ABCG1: variants seen among roughly 807,000 people sequenced by gnomAD.
The protein encoded by ABCG1 is ATP-binding cassette sub-family G member 1.
A neutral mutation model predicts 69.2 loss-of-function variants in ABCG1; 29 were observed. That is an observed-to-expected ratio of 0.42 (90% CI 0.31 to 0.57). ABCG1 has a LOEUF of 0.57. Among genes scored for constraint, ABCG1 ranks in the 20% least tolerant of loss-of-function variants. The pLI, the probability that ABCG1 is intolerant of heterozygous loss-of-function variation, is 0.15. For missense variants in ABCG1, 718 were observed against 898.1 expected, an observed-to-expected ratio of 0.80 and a Z score of 2.56; for synonymous variants, 370 against 374.8, an observed-to-expected ratio of 0.99 and a Z score of 0.15.
chr21:42,251,278 T>C (rs576656774), intron 2 of ABCG1, among the ~76,000 whole-genome samples: 7 of 152,274 alleles, frequency 4.6e-5, no homozygotes, highest in Non-Finnish European at 8.8e-5. Context: ...CCTGTATTCA[T>C]GGAGGCCCAA....
chr21:42,251,115 A>G (rs796525004), intron 2 of ABCG1, among the ~76,000 whole-genome samples: 5 of 152,150 alleles, frequency 3.3e-5, no homozygotes, highest in African/African-American at 1.2e-4. Flanking sequence ...TCGGTCGGTG[A>G]CCTACCCAGG....
chr21:42,282,402 C>T lies in ABCG1; in HGVS notation c.717C>T (p.Phe239=), dbSNP rs755105229. The stretch of plus-strand genomic sequence containing the variant: ...TGGTGAACAACCCTCCAGTCATGTT[C>T]TTCGATGAGCCCACCAGGTAAGTCA... ...LELVNNPPVM[F]FDEPTSGLDS... is the part of the protein sequence containing the mutation. Residue 239 remains phenylalanine (F), a synonymous_variant, in exon 6 of 15, where the codon TTC becomes TTT. Coordinates refer to ENST00000398449, the MANE Select transcript of ABCG1 (RefSeq NM_016818.3). 2 of 1,612,932 alleles carry T rather than the reference C, an allele frequency of 1.2e-6. No individual in the cohort carries two copies. Among genetic ancestry groups the T allele is most frequent in the South Asian group, 2.2e-5 (2 of 91,018 alleles).
intron 2 of ABCG1, among the ~76,000 whole-genome samples, chr21:42,251,365 T>C (rs2068218136): frequency 6.6e-6 from 1 of 152,274 alleles, no homozygotes; most frequent in Non-Finnish European, 1.5e-5. Context: ...GTACGTGTTG[T>C]TACCTCAGTT....
chr21:42,290,865 C>T (rs1208674405), intron 11 of ABCG1, among the ~76,000 whole-genome samples: 1 of 152,192 alleles, frequency 6.6e-6, no homozygotes, highest in Non-Finnish European at 1.5e-5. Flanking sequence ...GCTTTGTATT[C>T]ACAGACATGC....
intron 2 of ABCG1, among the ~76,000 whole-genome samples, chr21:42,261,507 T>C (rs893574900): frequency 1.3e-5 from 2 of 152,106 alleles, no homozygotes; most frequent in African/African-American, 4.8e-5. Context: ...GGGCACAGAA[T>C]CCACAGGGGC....
chr21:42,267,332 C>T (rs225397), intron 2 of ABCG1, among the ~76,000 whole-genome samples: 8,089 of 152,156 alleles, frequency 0.053, 298 homozygotes, highest in Middle Eastern at 0.085. Flanking sequence ...TAGACCTGGT[C>T]TGGGTGTGGT....
chr21:42,226,103 G>C (rs529627377), intron 2 of ABCG1, among the ~76,000 whole-genome samples, 189 bp downstream of exon 2: 2 of 152,168 alleles, frequency 1.3e-5, no homozygotes, highest in Non-Finnish European at 2.9e-5. Context: ...TGAACAGGTT[G>C]GATTTGGTGA....
intron 2 of ABCG1, among the ~76,000 whole-genome samples, chr21:42,232,066 A>C (rs1271138199): frequency 6.6e-6 from 1 of 152,006 alleles, no homozygotes; most frequent in Non-Finnish European, 1.5e-5. Context: ...GTGGGCTACC[A>C]CTCAGGCCCT....
intron 2 of ABCG1, among the ~76,000 whole-genome samples, chr21:42,234,097 C>T (rs765087114): frequency 2.6e-5 from 4 of 151,972 alleles, no homozygotes; most frequent in Non-Finnish European, 4.4e-5. Context: ...CTTTATTTGG[C>T]GCTTTGCCTC....
Position 42,285,869 on chromosome 21 carries a change from C to CT in ABCG1, c.859-5dup. ...AGGGCTTGATCCCTTTTTCTCCTTC[C>CT]TTTTTTCCAGCTTTACGTCCTGAGT... On this transcript the variant is annotated splice_polypyrimidine_tract_variant and intron_variant, in intron 7 of 14. Transcript: ENST00000398449. 6.2e-7 allele frequency: 1 copy of CT among 1,603,698 alleles called. No individual in the cohort carries two copies. The highest frequency in any genetic ancestry group is 8.5e-7 in the Non-Finnish European group (1 of 1,170,990).
chr21:42,214,489 G>A (rs1479026067), upstream of ABCG1, among the ~76,000 whole-genome samples: 6 of 152,244 alleles, frequency 3.9e-5, no homozygotes, highest in Admixed American at 6.5e-5. Context: ...CAACAGGGCC[G>A]GGGCCAGGCT....
intron 13 of ABCG1, among the ~76,000 whole-genome samples, chr21:42,292,520 A>G (rs1168411416): frequency 6.6e-6 from 1 of 152,012 alleles, no homozygotes; most frequent in Non-Finnish European, 1.5e-5. Flanking sequence ...AGGGGTCACT[A>G]ATCAGACCAG....
chr21:42,211,585 A>G (rs943332664), upstream of ABCG1, among the ~76,000 whole-genome samples: 7 of 152,064 alleles, frequency 4.6e-5, no homozygotes, highest in Admixed American at 1.3e-4. Context: ...CAGCATTAAG[A>G]GATGCGATCC....
rs1464037932 is a variant in ABCG1 at position 42,273,632 on chromosome 21, AC to A, written c.537+203del. 2.6e-5 allele frequency among the ~76,000 whole-genome samples: 4 copies of A among 151,174 alleles called. No individual in the cohort carries two copies. Among genetic ancestry groups the A allele is most frequent in the Non-Finnish European group, 4.4e-5 (3 of 67,812 alleles). ...TTGGGACAGGCAGCATCATCCCAAA[AC>A]CCCCCAAGACTGTGAGTTTAATGGA... On this transcript the variant is annotated intron_variant, in intron 4 of 14. Transcript: ENST00000398449. This position sits in a 1 kb window ranked among gnomAD's most constrained non-coding sequence, Gnocchi z 5.3.
chr21:42,290,021 C>T (rs1447573500), intron 10 of ABCG1, 29 bp from the exon 11 acceptor site: 2 of 1,614,186 alleles, frequency 1.2e-6, no homozygotes, highest in Non-Finnish European at 8.5e-7. Flanking sequence ...TTTGCGAACG[C>T]ACTGGGTAAG....
At position 42,295,995 on chromosome 21, in the gene ABCG1, G is replaced by T. The variant is rs370241131; in HGVS notation, c.1773-169G>T. Among the ~76,000 whole-genome samples the T allele has an allele frequency of 7.2e-5, 11 of 152,296 alleles. 1 individual carries two copies. Among genetic ancestry groups the T allele is most frequent in the East Asian group, 1.9e-4 (1 of 5,172 alleles). Reference sequence around the variant, plus strand: ...CATAGTGGAGCTGTTGCACGTGTTTGTCTTAAGAAGGTGGTGGGCGGTGAG... The same window carrying T: ...CATAGTGGAGCTGTTGCACGTGTTTTTCTTAAGAAGGTGGTGGGCGGTGAG... On this transcript the variant is annotated intron_variant, in intron 14 of 14. Coordinates refer to ENST00000398449, the MANE Select transcript of ABCG1 (RefSeq NM_016818.3).
In ABCG1 at chr21:42,225,822, G is replaced by C; in HGVS notation, c.194G>C (p.Arg65Pro). 1 of 1,613,972 alleles carries C rather than the reference G, an allele frequency of 6.2e-7. No homozygotes were observed. The highest frequency in any genetic ancestry group is 8.5e-7 in the Non-Finnish European group (1 of 1,180,006). The change falls in exon 2 of 15, where the codon CGC becomes CCC. Residue 65 changes from arginine (R) to proline (P), a missense_variant. Coordinates refer to ENST00000398449, the MANE Select transcript of ABCG1 (RefSeq NM_016818.3). ...KVDNNLTEAQRFSSLPRRAAV... is the reference protein window; with the variant it reads ...KVDNNLTEAQPFSSLPRRAAV... The stretch of plus-strand genomic sequence containing the variant: ...GATAATAACCTCACGGAAGCCCAGC[G>C]CTTCTCCTCCTTGCCTCGGAGGGCA...
chr21:42,279,149 C>G (rs2068761418), intron 5 of ABCG1, among the ~76,000 whole-genome samples: 1 of 152,084 alleles, frequency 6.6e-6, no homozygotes, highest in Non-Finnish European at 1.5e-5. Context: ...TCCCAAAGAC[C>G]CCTCCAGATG....
At chr21:42,220,336 T>C (rs2067704602) in intron 1 of ABCG1, among the ~76,000 whole-genome samples, 1 of 152,176 alleles carries the variant, frequency 6.6e-6, no homozygotes, top group Admixed American at 6.5e-5. Context: ...CCCTCCCCTG[T>C]ATTTCATTTT....
Sources: allele counts gnomAD v4.1 joint callset (sites outside exome capture counted in the v4.1 genomes callset), GRCh38; gene constraint gnomAD v4.1.1; non-coding constraint Gnocchi (gnomAD v3.1); transcripts MANE v1.5; gene names NCBI Gene and HGNC (gene_info 2026-07-23, HGNC 2026-07-21).